PIP4P2: variants seen among roughly 807,000 people sequenced by gnomAD.
The protein encoded by PIP4P2 is phosphatidylinositol-4,5-bisphosphate 4-phosphatase 2, also known as type 2 phosphatidylinositol 4,5-bisphosphate 4-phosphatase.
A neutral mutation model predicts 33.3 loss-of-function variants in PIP4P2; 19 were observed. The ratio of observed to expected loss-of-function variants is 0.57; its 90% CI spans 0.40 to 0.84. The LOEUF (loss-of-function observed/expected upper bound fraction) is 0.84. Ranked by LOEUF, PIP4P2 falls within the 40% of genes least tolerant of loss-of-function variation. The pLI, the probability that PIP4P2 is intolerant of heterozygous loss-of-function variation, is 0.00. For synonymous variants in PIP4P2, 110 were observed against 111.9 expected (o/e 0.98, Z 0.11); for missense variants, 270 against 324.7 (o/e 0.83, Z 1.29).
At chr8:91,028,327 T>A (rs1217433018) in intron 1 of PIP4P2, among the ~76,000 whole-genome samples, 1 of 152,222 alleles carries the variant, frequency 6.6e-6, no homozygotes, top group African/African-American at 2.4e-5. Flanking sequence ...CAACGTGTAC[T>A]GTAAATCTTC....
chr8:91,025,428 T>C (rs1812070151), intron 1 of PIP4P2, among the ~76,000 whole-genome samples: 1 of 152,204 alleles, frequency 6.6e-6, no homozygotes, highest in Admixed American at 6.6e-5. Context: ...CCCTCTGTCT[T>C]GCTAATTCAT....
intron 5 of PIP4P2, among the ~76,000 whole-genome samples, chr8:91,004,164 G>A (rs1336405100): frequency 1.3e-5 from 2 of 152,196 alleles, no homozygotes; most frequent in Non-Finnish European, 2.9e-5. Context: ...GAAGCCAATG[G>A]CGTAATTCTC....
chr8:91,012,941 A>T (rs1811858590), intron 4 of PIP4P2, among the ~76,000 whole-genome samples: 2 of 152,220 alleles, frequency 1.3e-5, no homozygotes, highest in South Asian at 4.1e-4. Flanking sequence ...TAAAAATTAA[A>T]TATAAACCTT....
At chr8:91,009,164 C>G (rs372959011) in intron 4 of PIP4P2, among the ~76,000 whole-genome samples, 1 of 152,026 alleles carries the variant, frequency 6.6e-6, no homozygotes, top group East Asian at 1.9e-4. Context: ...TGAGGGCTGG[C>G]CTTTTAAATA....
rs1339568165 is a variant in PIP4P2, at chr8:91,018,493, C to T, written c.383G>A (p.Gly128Asp). ...RPNCRRIINL[G>D]PVMLISEEQP... ...TTCTTCAGAAATAAGCATTACTGGG[C>T]CAAGGTTAATTATCCGTCTACTGTG... The change falls in exon 4 of 7, where the codon GGC becomes GAC. Residue 128 changes from glycine to aspartate, a missense_variant. Coordinates refer to ENST00000285419, the MANE Select transcript of PIP4P2 (RefSeq NM_018710.3). 6.2e-7 allele frequency: 1 copy of T among 1,613,762 alleles called. No homozygotes were observed. Among genetic ancestry groups the T allele is most frequent in the South Asian group, 1.1e-5 (1 of 91,068 alleles).
At chr8:91,017,563 A>G (rs1448678365) in intron 4 of PIP4P2, among the ~76,000 whole-genome samples, 1 of 152,152 alleles carries the variant, frequency 6.6e-6, no homozygotes, top group Non-Finnish European at 1.5e-5. Flanking sequence ...TTAGAACTAT[A>G]TACATAAAGT....
intron 4 of PIP4P2, among the ~76,000 whole-genome samples, chr8:91,012,751 C>G (rs1232703713): frequency 6.6e-6 from 1 of 152,144 alleles, no homozygotes; most frequent in African/African-American, 2.4e-5. Context: ...AAGTTAGTCT[C>G]TGAAAGAGCC....
intron 4 of PIP4P2, 120 bp from the exon 5 acceptor site, chr8:91,008,915 A>C: frequency 5.9e-5 from 44 of 742,842 alleles, no homozygotes; most frequent in Non-Finnish European, 8.6e-5. Context: ...TCACCTTCTC[A>C]CGGTTACATG....
chr8:91,021,500 A>AT, intron 1 of PIP4P2, 96 bp from the exon 2 acceptor site: 1 of 1,382,152 alleles, frequency 7.2e-7, no homozygotes, highest in South Asian at 1.5e-5. Context: ...AACAATCAAG[A>AT]TTTTCCCACG....
At chr8:91,018,266 A>G (rs1586180686) in intron 4 of PIP4P2, 124 bp downstream of exon 4, 3 of 1,441,812 alleles carry the variant, frequency 2.1e-6, no homozygotes. Flanking sequence ...TGCCTAAATA[A>G]GTCTCTATTT....
chr8:91,035,556 G>A (rs1485269423), intron 1 of PIP4P2, among the ~76,000 whole-genome samples: 1 of 152,158 alleles, frequency 6.6e-6, no homozygotes, highest in Non-Finnish European at 1.5e-5. Context: ...CTTGCCGGCA[G>A]CTACATTCAC....
chr8:91,003,185 TA>T (rs763488348), intron 5 of PIP4P2, among the ~76,000 whole-genome samples: 45 of 152,184 alleles, frequency 3.0e-4, no homozygotes, highest in Non-Finnish European at 5.6e-4. Context: ...TGGGAGCCAC[TA>T]AAAGATTTGA....
chr8:90,997,416 T>C (rs909908991), intron 5 of PIP4P2, among the ~76,000 whole-genome samples: 1 of 152,140 alleles, frequency 6.6e-6, no homozygotes, highest in African/African-American at 2.4e-5. Flanking sequence ...AGCATTGTGC[T>C]TATTTTTAAT....
At chr8:91,009,010 G>C (rs1811796680) in intron 4 of PIP4P2, among the ~76,000 whole-genome samples, 1 of 152,026 alleles carries the variant, frequency 6.6e-6, no homozygotes, top group Non-Finnish European at 1.5e-5. Flanking sequence ...CTTTTCCAAT[G>C]CTCTGACGCA....
At chr8:91,027,770 T>C (rs1272240457) in intron 1 of PIP4P2, among the ~76,000 whole-genome samples, 1 of 152,162 alleles carries the variant, frequency 6.6e-6, no homozygotes, top group Non-Finnish European at 1.5e-5. Flanking sequence ...AGAATATCCC[T>C]AGAATAATGC....
chr8:91,035,454 G>A (rs762077667), intron 1 of PIP4P2, among the ~76,000 whole-genome samples: 1 of 152,092 alleles, frequency 6.6e-6, no homozygotes, highest in Non-Finnish European at 1.5e-5. Flanking sequence ...TACCATCTTT[G>A]CTCTTTCTTA....
At chr8:91,039,430 GGA>G (rs1812276389) in intron 1 of PIP4P2, among the ~76,000 whole-genome samples, 1 of 152,012 alleles carries the variant, frequency 6.6e-6, no homozygotes, top group Non-Finnish European at 1.5e-5. Context: ...TGTTAAGTAT[GGA>G]TTAAGATCTA....
At chr8:91,040,018 T>C (rs893842449) in intron 1 of PIP4P2, among the ~76,000 whole-genome samples, 1 of 152,204 alleles carries the variant, frequency 6.6e-6, no homozygotes, top group Non-Finnish European at 1.5e-5. Context: ...TTCCTTCTCA[T>C]TCACAATTAA....
intron 1 of PIP4P2, among the ~76,000 whole-genome samples, chr8:91,028,872 A>C (rs1812119449): frequency 6.6e-6 from 1 of 152,232 alleles, no homozygotes; most frequent in Admixed American, 6.5e-5. Flanking sequence ...GTGCCAGAGA[A>C]AGTCAAGAGT....
Sources: gnomAD v4.1 joint callset for allele counts (sites outside exome capture counted in the v4.1 genomes callset) on GRCh38, gnomAD v4.1.1 for gene constraint, MANE v1.5 for transcripts, NCBI Gene and HGNC (gene_info 2026-07-23, HGNC 2026-07-21) for gene names.